Variants in COL21A1 observed in about 807,000 individuals in gnomAD.
The protein encoded by COL21A1 is collagen type XXI alpha 1 chain.
In COL21A1, 149 loss-of-function variants were observed where a neutral mutation model predicts 137.9. The observed-to-expected ratio is 1.08, with a 90% confidence interval of 0.95 to 1.24. The LOEUF is 1.24. Ranked by LOEUF, COL21A1 falls within the 50% of genes most tolerant of loss-of-function variation. The pLI, the probability that COL21A1 is intolerant of heterozygous loss-of-function variation, is 0.00. For missense variants in COL21A1, 1,167 were observed against 1,158.4 expected (o/e 1.01, Z -0.11); for synonymous variants, 456 against 391.5 (o/e 1.16, Z -1.95).
intron 9 of COL21A1, among the ~76,000 whole-genome samples, chr6:56,157,653 A>G (rs1185193558): frequency 6.6e-6 from 1 of 152,202 alleles, no homozygotes; most frequent in East Asian, 1.9e-4. Context: ...TCGATGTCCT[A>G]TAATACAACT....
At chr6:56,312,433 C>G (rs1339505740) in intron 1 of COL21A1, among the ~76,000 whole-genome samples, 1 of 152,130 alleles carries the variant, frequency 6.6e-6, no homozygotes, top group South Asian at 2.1e-4. Context: ...GCACATGTGA[C>G]TGGGAACATG....
chr6:56,322,939 G>GT (rs927200543), intron 1 of COL21A1, among the ~76,000 whole-genome samples: 4 of 146,018 alleles, frequency 2.7e-5, no homozygotes, highest in East Asian at 2.0e-4. Context: ...AAATTTTCAA[G>GT]TTTTTTTTAT....
intron 1 of COL21A1, among the ~76,000 whole-genome samples, chr6:56,268,033 A>G (rs886878954): frequency 6.6e-6 from 1 of 152,172 alleles, no homozygotes; most frequent in African/African-American, 2.4e-5. Context: ...CTAGATCCCA[A>G]GGGTCTGGAA....
chr6:56,181,305 C>A (rs1041994747), intron 2 of COL21A1, among the ~76,000 whole-genome samples: 3 of 152,096 alleles, frequency 2.0e-5, no homozygotes, highest in Admixed American at 6.5e-5. Flanking sequence ...AACTTCCTAA[C>A]CCAAGGGAAT....
intron 1 of COL21A1, among the ~76,000 whole-genome samples, chr6:56,331,461 G>A (rs1765222392): frequency 6.6e-6 from 1 of 151,972 alleles, no homozygotes; most frequent in African/African-American, 2.4e-5. Flanking sequence ...TTTATATGGT[G>A]AAAGATGGGG....
At chr6:56,066,181 C>A (rs536248166) in intron 23 of COL21A1, among the ~76,000 whole-genome samples, 2 of 151,830 alleles carry the variant, frequency 1.3e-5, no homozygotes, top group South Asian at 2.1e-4. Context: ...TACCTCACTC[C>A]CAACTTCAAT....
At chr6:56,157,070 A>T (rs1775802083) in intron 9 of COL21A1, 121 bp from the exon 10 acceptor site, 1 of 548,480 alleles carries the variant, frequency 1.8e-6, no homozygotes, top group Non-Finnish European at 3.0e-6. Context: ...TAAAAACAAA[A>T]GTAAAAAAAA....
At chr6:56,200,977 C>G (rs924577870) in intron 1 of COL21A1, among the ~76,000 whole-genome samples, 2 of 152,256 alleles carry the variant, frequency 1.3e-5, no homozygotes, top group South Asian at 4.2e-4. Context: ...TGTTTCCTGA[C>G]TTTTTAATGA....
intron 1 of COL21A1, among the ~76,000 whole-genome samples, chr6:56,187,534 C>T (rs529738421): frequency 6.6e-6 from 1 of 152,188 alleles, no homozygotes. Flanking sequence ...CAGACCCACA[C>T]TTACATGGTC....
intron 1 of COL21A1, among the ~76,000 whole-genome samples, chr6:56,300,251 AG>A (rs1319168674): frequency 2.6e-5 from 4 of 152,112 alleles, no homozygotes; most frequent in Admixed American, 1.3e-4. Context: ...AAATAATCAG[AG>A]TAGAGGCTGG....
rs1157361055 is a variant in COL21A1 at position 56,329,414 on chromosome 6, T to C, written c.-39+64557A>G. Among the ~76,000 whole-genome samples the C allele has an allele frequency of 2.6e-5, 4 of 152,106 alleles. No individual in the cohort carries two copies. In the East Asian group the frequency reaches 7.8e-4, roughly 29 times the overall value. On this transcript the variant is annotated intron_variant, in intron 1 of 28. Coordinates refer to the COL21A1 transcript ENST00000370819. ...TCAGGGGTGAAGGAAGTCAGGGAAA[T>C]GTATTTCACATTCAAAAGCCAAATC...
At position 56,273,758 on chromosome 6, in the gene COL21A1, T is replaced by C. The variant is rs565244722; in HGVS notation, c.-38-91102A>G. On this transcript the variant is annotated intron_variant, in intron 1 of 28. Transcript: ENST00000370819. ...AAACCAAAAACAATCCTGGCCCAGA[T>C]AGATTCCTAGCCAAATTCTACCAGG... Among the ~76,000 whole-genome samples the C allele has an allele frequency of 2.6e-5, 4 of 152,258 alleles. No individual in the cohort carries two copies. The East Asian group carries it at 7.7e-4, about 29-fold the overall frequency.
intron 1 of COL21A1, among the ~76,000 whole-genome samples, chr6:56,359,379 T>C (rs1268836969): frequency 2.6e-5 from 4 of 152,300 alleles, no homozygotes; most frequent in African/African-American, 9.6e-5. Context: ...GAACTATGAC[T>C]AAAACACCGT....
chr6:56,340,764 A>T (rs1765449093), intron 1 of COL21A1, among the ~76,000 whole-genome samples: 1 of 152,140 alleles, frequency 6.6e-6, no homozygotes, highest in African/African-American at 2.4e-5. Context: ...AATCATGATA[A>T]ATTAGTTAAT....
chr6:56,237,364 C>A (rs991895654), intron 1 of COL21A1, among the ~76,000 whole-genome samples: 3 of 152,074 alleles, frequency 2.0e-5, no homozygotes, highest in African/African-American at 7.2e-5. Context: ...AAAATGTTTT[C>A]CTCAGTTAAC....
chr6:56,304,881 T>G (rs1764403051), intron 1 of COL21A1, among the ~76,000 whole-genome samples: 1 of 152,224 alleles, frequency 6.6e-6, no homozygotes, highest in Non-Finnish European at 1.5e-5. Context: ...GTGCTATAAA[T>G]TTCCCTCTAC....
Position 56,060,054 on chromosome 6 carries a change from C to T in COL21A1, c.2572G>A (p.Gly858Ser). 6.2e-7 allele frequency: 1 copy of T among 1,608,008 alleles called. No homozygotes were observed. Among genetic ancestry groups the T allele is most frequent in the East Asian group, 2.3e-5 (1 of 44,396 alleles). Reference protein sequence around the residue: ...PGRDGVPGLVGVPGRPGVRGL... With the variant: ...PGRDGVPGLVSVPGRPGVRGL... ...CTGACACCTGGACGTCCAGGGACAC[C>T]CACTAATCCAGGAACACCATCTCTT... Residue 858 changes from glycine (G) to serine (S), a missense_variant, in exon 28 of 30, where the codon GGT (glycine) becomes AGT (serine). Gly to Ser is a moderately conservative substitution (Grantham distance 56). Coordinates refer to ENST00000244728, the MANE Select transcript of COL21A1 (RefSeq NM_030820.4).
chr6:56,145,955 TA>T (rs1047625096), intron 10 of COL21A1, among the ~76,000 whole-genome samples: 13 of 152,178 alleles, frequency 8.5e-5, no homozygotes, highest in African/African-American at 3.1e-4. Flanking sequence ...GATTCATAGT[TA>T]CAAAGCTTCA....
At chr6:56,367,601 T>C (rs1766131276) in intron 1 of COL21A1, among the ~76,000 whole-genome samples, 1 of 152,232 alleles carries the variant, frequency 6.6e-6, no homozygotes, top group African/African-American at 2.4e-5. Flanking sequence ...GGAACCTAAA[T>C]GACCAAGCCA....
Sources: allele counts gnomAD v4.1 joint callset (sites outside exome capture counted in the v4.1 genomes callset), GRCh38; gene constraint gnomAD v4.1.1; transcripts MANE v1.5; gene names NCBI Gene and HGNC (gene_info 2026-07-23, HGNC 2026-07-21).